The following AGBL1 variants were observed in gnomAD, a reference collection of about 807,000 sequenced individuals.
The protein encoded by AGBL1 is AGBL carboxypeptidase 1.
Under a neutral mutation model 118.9 loss-of-function variants are expected in AGBL1, and 130 were observed. The observed-to-expected ratio is 1.09, with a 90% CI of 0.95 to 1.26. The LOEUF (loss-of-function observed/expected upper bound fraction) is 1.26, where lower values mean the gene tolerates loss of function less well. Among genes scored for constraint, AGBL1 ranks in the 50% most tolerant of loss-of-function variants. AGBL1 has a pLI of 0.00. For synonymous variants in AGBL1, 555 were observed against 478.9 expected, an observed-to-expected ratio of 1.16 and a Z score of -2.08; for missense variants, 1,584 against 1,298.1, an observed-to-expected ratio of 1.22 and a Z score of -3.38.
At chr15:86,836,968 C>T (rs1353395023) in intron 22 of AGBL1, among the ~76,000 whole-genome samples, 3 of 152,116 alleles carry the variant, frequency 2.0e-5, no homozygotes, top group Admixed American at 2.0e-4. Context: ...CCTCATACTA[C>T]ATATAATCTT....
intron 22 of AGBL1, among the ~76,000 whole-genome samples, chr15:86,886,327 A>G (rs1406142341): frequency 6.6e-6 from 1 of 152,234 alleles, no homozygotes; most frequent in Admixed American, 6.5e-5. Flanking sequence ...GAAATGGCCC[A>G]CGTTAGCACT....
At chr15:86,320,007 T>C (rs1263049441) in intron 17 of AGBL1, among the ~76,000 whole-genome samples, 1 of 152,144 alleles carries the variant, frequency 6.6e-6, no homozygotes, top group East Asian at 1.9e-4. Context: ...TCCGCCTGCC[T>C]TGGCCTCCCA....
intron 22 of AGBL1, 105 bp from the exon 23 acceptor site, chr15:86,906,982 T>C (rs1200263940): frequency 6.6e-6 from 1 of 152,306 alleles, no homozygotes; most frequent in African/African-American, 2.4e-5. Context: ...TTCTCTCTCC[T>C]CTTCCCCATC....
rs532112896 is a variant in AGBL1 at position 86,274,586 on chromosome 15, T to G, written c.2075+2880T>G. ...AAAGAAAAAGGAGGGGAGCTAGCTG[T>G]TCCCACTTCTCCCTTTGGAGACCTC... On this transcript the variant is annotated intron_variant, in intron 15 of 22. Transcript: ENST00000614907. Among the ~76,000 whole-genome samples, 4 of 152,318 alleles carry G rather than the reference T, an allele frequency of 2.6e-5. No homozygotes were observed. The East Asian group carries it at 7.7e-4, about 29-fold the overall frequency.
At chr15:86,565,163 A>G (rs2083893961) in intron 21 of AGBL1, among the ~76,000 whole-genome samples, 5 of 152,120 alleles carry the variant, frequency 3.3e-5, no homozygotes, top group Admixed American at 3.3e-4. Context: ...GCTTTGTTCC[A>G]TTGCTGGCGA....
intron 19 of AGBL1, among the ~76,000 whole-genome samples, chr15:86,523,737 C>A (rs562768014): frequency 3.7e-4 from 56 of 152,244 alleles, no homozygotes; most frequent in African/African-American, 1.3e-3. Context: ...GGCACTGCCC[C>A]AGGGATTTTT....
chr15:86,401,959 A>C (rs181621371), intron 18 of AGBL1, among the ~76,000 whole-genome samples: 1,558 of 151,942 alleles, frequency 0.01, 23 homozygotes, highest in South Asian at 0.02. Flanking sequence ...TATGAGTTTT[A>C]GGATTGTTTT....
At chr15:86,596,378 C>T (rs577942174) in intron 21 of AGBL1, among the ~76,000 whole-genome samples, 2 of 152,106 alleles carry the variant, frequency 1.3e-5, no homozygotes, top group African/African-American at 4.8e-5. Flanking sequence ...GGTTGGATCT[C>T]CATTCAGAAG....
intron 22 of AGBL1, among the ~76,000 whole-genome samples, chr15:86,876,517 T>C (rs1005824738): frequency 2.6e-5 from 4 of 152,202 alleles, no homozygotes; most frequent in Admixed American, 2.6e-4. Flanking sequence ...CTCTTGGGAT[T>C]GGTTGCCATG....
At chr15:86,569,551 G>C (rs2083971365) in intron 21 of AGBL1, among the ~76,000 whole-genome samples, 1 of 151,726 alleles carries the variant, frequency 6.6e-6, no homozygotes, top group South Asian at 2.1e-4. Context: ...CTTTTGTTTT[G>C]TTTTTAGAAA....
At chr15:86,545,919 A>C in intron 19 of AGBL1, 83 bp from the exon 20 acceptor site, 1 of 1,491,224 alleles carries the variant, frequency 6.7e-7, no homozygotes, top group Non-Finnish European at 9.1e-7. Flanking sequence ...GAGCCATGGA[A>C]CATGAGTAGA....
At chr15:86,567,687 T>G (rs930127690) in intron 21 of AGBL1, among the ~76,000 whole-genome samples, 1 of 152,226 alleles carries the variant, frequency 6.6e-6, no homozygotes, top group African/African-American at 2.4e-5. Context: ...GAGGTGTCTT[T>G]CTTTCATTAA....
intron 23 of AGBL1, among the ~76,000 whole-genome samples, chr15:86,954,299 A>G (rs747075410): frequency 1.1e-4 from 17 of 152,170 alleles, no homozygotes; most frequent in Non-Finnish European, 2.5e-4. Flanking sequence ...TACTGTGTAT[A>G]TATCCACAGG....
intron 18 of AGBL1, among the ~76,000 whole-genome samples, chr15:86,413,142 A>G (rs1245659922): frequency 6.6e-6 from 1 of 152,180 alleles, no homozygotes; most frequent in African/African-American, 2.4e-5. Context: ...GACATCTTAC[A>G]TTTCAACAAA....
chr15:86,270,028 A>G lies in AGBL1; in HGVS notation c.1948A>G (p.Ile650Val). The change falls in exon 14 of 23, where the codon ATC becomes GTC. Residue 650 changes from isoleucine (I) to valine (V), a missense_variant. Coordinates refer to ENST00000614907, the MANE Select transcript of AGBL1 (RefSeq NM_001386094.1). ...GGCGGCCATCCCTTACCACTTCAAC[A>G]TCATCAACTGTGAGAAGCCCAACAG... Reference protein sequence around the residue: ...MQAAIPYHFNIINCEKPNSQF... With the variant: ...MQAAIPYHFNVINCEKPNSQF... 6.2e-7 allele frequency: 1 copy of G among 1,613,238 alleles called. No individual in the cohort carries two copies. Among genetic ancestry groups the G allele is most frequent in the Non-Finnish European group, 8.5e-7 (1 of 1,179,614 alleles).
chr15:86,661,344 C>T (rs2085535375), intron 21 of AGBL1, among the ~76,000 whole-genome samples: 2 of 152,054 alleles, frequency 1.3e-5, no homozygotes, highest in South Asian at 2.1e-4. Flanking sequence ...GAGGCAGGTA[C>T]ATGAGTCACC....
intron 23 of AGBL1, among the ~76,000 whole-genome samples, chr15:86,934,599 ATATT>A (rs2080644113): frequency 6.6e-6 from 1 of 152,190 alleles, no homozygotes; most frequent in Non-Finnish European, 1.5e-5. Flanking sequence ...GCTAAAATAA[ATATT>A]TATTAACTGC....
intron 23 of AGBL1, among the ~76,000 whole-genome samples, chr15:86,936,483 A>G (rs985733569): frequency 1.3e-5 from 2 of 152,184 alleles, no homozygotes; most frequent in Non-Finnish European, 2.9e-5. Flanking sequence ...TTAGCAGGAC[A>G]TTCAAGATAC....
At chr15:86,801,278 G>GT (rs1462616375) in intron 22 of AGBL1, among the ~76,000 whole-genome samples, 1 of 151,590 alleles carries the variant, frequency 6.6e-6, no homozygotes, top group Non-Finnish European at 1.5e-5. Flanking sequence ...GAATATGCAT[G>GT]TTTTTTCTTG....
Sources: allele counts gnomAD v4.1 joint callset (sites outside exome capture counted in the v4.1 genomes callset), GRCh38; gene constraint gnomAD v4.1.1; transcripts MANE v1.5; gene names NCBI Gene and HGNC (gene_info 2026-07-23, HGNC 2026-07-21).